ITGB1BP1: variants seen among roughly 807,000 people sequenced by gnomAD.
ITGB1BP1 encodes the protein integrin subunit beta 1 binding protein 1.
Under a neutral mutation model 28.0 loss-of-function variants are expected in ITGB1BP1, and 20 were observed. The observed-to-expected ratio is 0.71, with a 90% CI of 0.50 to 1.04. The LOEUF (loss-of-function observed/expected upper bound fraction) is 1.04. ITGB1BP1 is among the 50% of genes least tolerant of loss of function. The pLI, the probability that ITGB1BP1 is intolerant of heterozygous loss-of-function variation, is 0.00. For synonymous variants in ITGB1BP1, 103 were observed against 89.5 expected (o/e 1.15, Z -0.85); for missense variants, 228 against 242.5 (o/e 0.94, Z 0.40).
intron 1 of ITGB1BP1, among the ~76,000 whole-genome samples, chr2:9,419,608 T>G (rs1679546231): frequency 6.6e-6 from 1 of 152,182 alleles, no homozygotes; most frequent in African/African-American, 2.4e-5. Context: ...TTGAAATTAA[T>G]AATAATAAAT....
At chr2:9,419,759 T>C (rs757133986) in intron 1 of ITGB1BP1, among the ~76,000 whole-genome samples, 1 of 152,162 alleles carries the variant, frequency 6.6e-6, no homozygotes, top group Non-Finnish European at 1.5e-5. Context: ...ATGATAACCT[T>C]GTGACATATC....
chr2:9,406,863 C>G lies in ITGB1BP1; in HGVS notation c.574G>C (p.Asp192His). 6.2e-7 allele frequency: 1 copy of G among 1,613,482 alleles called. No homozygotes were observed. The highest frequency in any genetic ancestry group is 8.5e-7 in the Non-Finnish European group (1 of 1,179,434). The change falls in exon 7 of 7, where the codon GAC (aspartate) becomes CAC (histidine). Residue 192 changes from aspartate to histidine, a missense_variant. Around this residue, in one of 2 missense-constraint regions of ITGB1BP1, gnomAD observed 192 missense variants for 181.6 expected, o/e 1.06. Transcript: ENST00000355346. ...AICKVLSTAF[D>H]SVLTSEKP The stretch of plus-strand genomic sequence containing the variant: ...GGTTTCTCAGATGTTAATACAGAGT[C>G]AAAAGCGGTGGATAAAACCTTGCAA...
chr2:9,416,414 G>A (rs961929967), intron 2 of ITGB1BP1, among the ~76,000 whole-genome samples: 3 of 152,044 alleles, frequency 2.0e-5, no homozygotes, highest in Non-Finnish European at 4.4e-5. Context: ...CCGTGTGGGC[G>A]GGCCTCATCC....
At chr2:9,411,488 G>A (rs1166653882) in intron 4 of ITGB1BP1, among the ~76,000 whole-genome samples, 3 of 151,900 alleles carry the variant, frequency 2.0e-5, no homozygotes, top group African/African-American at 4.8e-5. Context: ...TTGGGAGGCC[G>A]AGGCAGGTGG....
At position 9,413,062 on chromosome 2, in the gene ITGB1BP1, A is replaced by G. The variant is rs1189872677; in HGVS notation, c.152-657T>C. Among the ~76,000 whole-genome samples the G allele has an allele frequency of 3.9e-5, 6 of 152,362 alleles. No individual in the cohort carries two copies. In the South Asian group the frequency reaches 6.2e-4, roughly 16 times the overall value. On this transcript the variant is annotated intron_variant, in intron 3 of 6. Transcript: ENST00000355346. Reference sequence around the variant, plus strand: ...ACATCCAGCCAACACAAAAACTCCTACAAACGACTTATAACCTCAACCATA... The same window carrying G: ...ACATCCAGCCAACACAAAAACTCCTGCAAACGACTTATAACCTCAACCATA...
At position 9,415,757 on chromosome 2, in the gene ITGB1BP1, C is replaced by T. The variant is rs1461060952; in HGVS notation, c.73-1501G>A. On this transcript the variant is annotated intron_variant, in intron 2 of 6. Transcript: ENST00000355346. The surrounding 1 kb of genome is among the most constrained non-coding windows in gnomAD (Gnocchi z 4.1). Reference sequence around the variant, plus strand: ...ATTCTAAGGCTGCACAGGACTCCTACAATGTCAGCTTTCTGTGCTTCTGGT... The same window carrying T: ...ATTCTAAGGCTGCACAGGACTCCTATAATGTCAGCTTTCTGTGCTTCTGGT... 1.3e-5 allele frequency among the ~76,000 whole-genome samples: 2 copies of T among 152,206 alleles called. No homozygotes were observed. The highest frequency in any genetic ancestry group is 6.5e-5 in the Admixed American group (1 of 15,280).
chr2:9,411,039 C>CT (rs200758707), intron 4 of ITGB1BP1, among the ~76,000 whole-genome samples: 16 of 151,684 alleles, frequency 1.1e-4, no homozygotes, highest in African/African-American at 3.9e-4. Context: ...AATTTACTTT[C>CT]TTTTTTTTTC....
At chr2:9,420,663 G>A (rs531639708) in intron 1 of ITGB1BP1, among the ~76,000 whole-genome samples, 5 of 152,268 alleles carry the variant, frequency 3.3e-5, no homozygotes, top group African/African-American at 4.8e-5. Flanking sequence ...AAGGCTGTCC[G>A]GGAGCAGGAG....
At chr2:9,410,822 CT>C (rs1678272189) in intron 4 of ITGB1BP1, among the ~76,000 whole-genome samples, 1 of 152,160 alleles carries the variant, frequency 6.6e-6, no homozygotes, top group Non-Finnish European at 1.5e-5. Context: ...GGTGATCCCC[CT>C]ACTCTGCCTC....
rs1433807590 is a variant in ITGB1BP1 at position 9,406,051 on chromosome 2, G to T, written c.*783C>A. The T allele has an allele frequency of 3.2e-5, 4 of 125,008 alleles. No homozygotes were observed. Among genetic ancestry groups the T allele is most frequent in the Non-Finnish European group, 5.4e-5 (3 of 55,992 alleles). The allele number at this position is 125,008 out of a possible 1,614,324, so 7.7% of individuals were successfully genotyped here. A position where few individuals can be genotyped will look rare whatever the true frequency, so the allele number is the denominator to read the frequency against. On this transcript the variant is annotated 3_prime_UTR_variant, in exon 7 of 7. Transcript: ENST00000355346. ...AGTGTGTGTCACTGAGTGGACCTCT[G>T]TGACATCTCGTCTTCCTCAGGCCTT... is the stretch of plus-strand genomic sequence containing the variant.
In ITGB1BP1 at chr2:9,418,509, A is replaced by G. The variant is rs760526280; in HGVS notation, c.72+117T>C. 1.0e-5 allele frequency: 8 copies of G among 764,698 alleles called. No individual in the cohort carries two copies. The Admixed American group carries it at 1.4e-4, about 13-fold the overall frequency. 47.4% of individuals were successfully genotyped at this position (764,698 alleles called of 1,614,324 possible). A position where few individuals can be genotyped will look rare whatever the true frequency, so the allele number is the denominator to read the frequency against. ...GTGCAAAAAGTAAATGTTAAAACAC[A>G]CTAGTTTGAAGATTATCAGGAGATC... On this transcript the variant is annotated intron_variant, in intron 2 of 6. Coordinates refer to ENST00000355346, the MANE Select transcript of ITGB1BP1 (RefSeq NM_004763.5).
chr2:9,409,925 A>C (rs968241424), intron 4 of ITGB1BP1, among the ~76,000 whole-genome samples: 2 of 149,564 alleles, frequency 1.3e-5, no homozygotes, highest in Non-Finnish European at 3.0e-5. Context: ...GCTCACTGCA[A>C]CCTCCACCTC....
At chr2:9,413,388 G>A (rs1678714422) in intron 3 of ITGB1BP1, among the ~76,000 whole-genome samples, 1 of 151,936 alleles carries the variant, frequency 6.6e-6, no homozygotes, top group Non-Finnish European at 1.5e-5. Context: ...GAGTGCAGTG[G>A]TGCGATTCTC....
At chr2:9,418,903 T>C (rs1679473336) in intron 1 of ITGB1BP1, among the ~76,000 whole-genome samples, 171 bp from the exon 2 acceptor site, 1 of 151,934 alleles carries the variant, frequency 6.6e-6, no homozygotes, top group Admixed American at 6.6e-5. Flanking sequence ...ACTACAGGCA[T>C]GTGCCACTAC....
At chr2:9,410,578 T>C (rs1678229422) in intron 4 of ITGB1BP1, among the ~76,000 whole-genome samples, 1 of 152,172 alleles carries the variant, frequency 6.6e-6, no homozygotes, top group Admixed American at 6.5e-5. Flanking sequence ...TAGCTGGGAT[T>C]ATAGGCATGC....
intron 4 of ITGB1BP1, among the ~76,000 whole-genome samples, chr2:9,411,064 T>A (rs1301536597): frequency 6.6e-6 from 1 of 152,206 alleles, no homozygotes; most frequent in African/African-American, 2.4e-5. Context: ...ATTACCGAAT[T>A]CACTCTTTTG....
intron 3 of ITGB1BP1, among the ~76,000 whole-genome samples, chr2:9,413,485 C>T (rs918706315): frequency 2.6e-5 from 4 of 152,048 alleles, no homozygotes; most frequent in Admixed American, 2.0e-4. Context: ...TGCGCCACCA[C>T]GCCCGGCTAA....
chr2:9,409,624 C>T (rs10169262), intron 4 of ITGB1BP1, among the ~76,000 whole-genome samples: 30,587 of 151,902 alleles, frequency 0.2, 3,309 homozygotes, highest in Middle Eastern at 0.3. Context: ...AGCGAAATCA[C>T]GCATATAACA....
chr2:9,410,367 G>A (rs1258625689), intron 4 of ITGB1BP1, among the ~76,000 whole-genome samples: 7 of 151,544 alleles, frequency 4.6e-5, no homozygotes, highest in Admixed American at 6.8e-5. Flanking sequence ...GAGTATCTGG[G>A]ACTACCAGTG....
Sources: gnomAD v4.1 joint callset for allele counts (sites outside exome capture counted in the v4.1 genomes callset) on GRCh38, gnomAD v4.1.1 for gene constraint, gnomAD v4.1.1 regional missense constraint, Gnocchi (gnomAD v3.1) non-coding constraint, MANE v1.5 for transcripts, NCBI Gene and HGNC (gene_info 2026-07-23, HGNC 2026-07-21) for gene names.